SH2D4B: variants seen among roughly 807,000 people sequenced by gnomAD.
The protein encoded by SH2D4B is SH2 domain-containing protein 4B.
In SH2D4B, 45 loss-of-function variants were observed where a neutral mutation model predicts 61.5. That is an observed-to-expected ratio of 0.73 (90% CI 0.58 to 0.94). The LOEUF (loss-of-function observed/expected upper bound fraction) is 0.94. Ranked by LOEUF, SH2D4B falls within the 40% of genes least tolerant of loss-of-function variation. The probability of loss-of-function intolerance (pLI) is 0.00; values close to 1 mark genes in which losing one functional copy is unlikely to be tolerated. For missense variants in SH2D4B, 572 were observed against 574.2 expected, an observed-to-expected ratio of 1.00 and a Z score of 0.04; for synonymous variants, 224 against 220.4, an observed-to-expected ratio of 1.02 and a Z score of -0.14.
At chr10:80,634,776 C>T (rs1842877878) in intron 7 of SH2D4B, among the ~76,000 whole-genome samples, 1 of 152,190 alleles carries the variant, frequency 6.6e-6, no homozygotes. Context: ...TACCTGAGTG[C>T]TCCCTCCTGT....
chr10:80,561,636 G>A (rs1841903263), intron 1 of SH2D4B, among the ~76,000 whole-genome samples: 1 of 152,100 alleles, frequency 6.6e-6, no homozygotes, highest in African/African-American at 2.4e-5. Flanking sequence ...CATATACCCA[G>A]CTTCCTTTTA....
intron 4 of SH2D4B, among the ~76,000 whole-genome samples, chr10:80,598,106 C>G (rs550134763): frequency 7.9e-5 from 12 of 152,314 alleles, no homozygotes; most frequent in African/African-American, 2.9e-4. Flanking sequence ...GAGTCCTGTG[C>G]TAGCTCTGCC....
intron 6 of SH2D4B, among the ~76,000 whole-genome samples, chr10:80,619,344 G>A (rs1187570009): frequency 6.6e-6 from 1 of 152,182 alleles, no homozygotes; most frequent in Non-Finnish European, 1.5e-5. Context: ...ATGGGAGAGA[G>A]GGTAGCTACC....
intron 3 of SH2D4B, among the ~76,000 whole-genome samples, chr10:80,580,976 T>C (rs780424690): frequency 1.3e-5 from 2 of 152,250 alleles, no homozygotes; most frequent in African/African-American, 2.4e-5. Context: ...ATTCTGGTAG[T>C]TGCAACAGCA....
At chr10:80,604,791 G>GTTT (rs34202612) in intron 5 of SH2D4B, among the ~76,000 whole-genome samples, 5 of 148,202 alleles carry the variant, frequency 3.4e-5, no homozygotes, top group Non-Finnish European at 3.0e-5. Context: ...ACTGTTCTTA[G>GTTT]TTTTTTTTTT....
At position 80,547,596 on chromosome 10, in the gene SH2D4B, A is replaced by G. The variant is rs146363018; in HGVS notation, c.184+9081A>G. Among the ~76,000 whole-genome samples the G allele has an allele frequency of 1.7e-3, 258 of 152,292 alleles. 2 individuals carry two copies. Among genetic ancestry groups the G allele is most frequent in the African/African-American group, 5.9e-3 (245 of 41,564 alleles). ...GGGAGGGGTTAGGGAGGTGACTGAC[A>G]GAATCTCCTCCCTGGTGTCTCTTCG... On this transcript the variant is annotated intron_variant, in intron 1 of 7. Transcript: ENST00000646907.
At position 80,644,523 on chromosome 10, in the gene SH2D4B, T is replaced by C. The variant is rs1157450939; in HGVS notation, c.*438T>C. On this transcript the variant is annotated 3_prime_UTR_variant, in exon 8 of 8. Coordinates refer to ENST00000646907, the MANE Select transcript of SH2D4B (RefSeq NM_001388272.1). ...CAAATTAGCAGTGGTTTCTTGTAAATTATTTCCTACTCGCCACTCTATAAA... is the reference window on the plus strand; with the variant it reads ...CAAATTAGCAGTGGTTTCTTGTAAACTATTTCCTACTCGCCACTCTATAAA... 6.5e-6 allele frequency: 1 copy of C among 154,372 alleles called. No homozygotes were observed. Among genetic ancestry groups the C allele is most frequent in the African/African-American group, 2.4e-5 (1 of 41,516 alleles). 9.6% of individuals were successfully genotyped at this position (154,372 alleles called of 1,614,324 possible).
At chr10:80,620,742 A>G (rs1259162292) in intron 6 of SH2D4B, among the ~76,000 whole-genome samples, 1 of 152,234 alleles carries the variant, frequency 6.6e-6, no homozygotes, top group Admixed American at 6.5e-5. Context: ...AAAAGTATCT[A>G]CCTCAAAGAA....
At chr10:80,635,219 G>A (rs1842882902) in intron 7 of SH2D4B, among the ~76,000 whole-genome samples, 1 of 152,174 alleles carries the variant, frequency 6.6e-6, no homozygotes, top group Non-Finnish European at 1.5e-5. Flanking sequence ...TGGAAAAGAT[G>A]TTGTCTTCCA....
chr10:80,627,564 G>A (rs747723443), intron 6 of SH2D4B, among the ~76,000 whole-genome samples: 3 of 151,818 alleles, frequency 2.0e-5, no homozygotes, highest in Non-Finnish European at 2.9e-5. Context: ...GCCTCCCTTA[G>A]GTGCAGCCAC....
At chr10:80,594,728 A>G (rs986822432) in intron 4 of SH2D4B, among the ~76,000 whole-genome samples, 1 of 152,162 alleles carries the variant, frequency 6.6e-6, no homozygotes, top group African/African-American at 2.4e-5. Context: ...GTTAATTTCT[A>G]ACAATCTGAG....
At chr10:80,598,916 T>G (rs1211017546) in intron 4 of SH2D4B, among the ~76,000 whole-genome samples, 6 of 152,120 alleles carry the variant, frequency 3.9e-5, no homozygotes, top group African/African-American at 1.4e-4. Flanking sequence ...CTACTGTTAC[T>G]AGGTTAGAAA....
Position 80,564,416 on chromosome 10 carries a change from C to T in SH2D4B, c.185-5738C>T, listed in dbSNP as rs143537443. Reference sequence around the variant, plus strand: ...GCCGCACTTGCAAGATTCCTTTCTCCTTGCTTCCTGAAATTCTTTCTCCAC... The same window carrying T: ...GCCGCACTTGCAAGATTCCTTTCTCTTTGCTTCCTGAAATTCTTTCTCCAC... On this transcript the variant is annotated intron_variant, in intron 1 of 7. Coordinates refer to ENST00000646907, the MANE Select transcript of SH2D4B (RefSeq NM_001388272.1). Among the ~76,000 whole-genome samples the T allele has an allele frequency of 7.9e-5, 12 of 152,300 alleles. No homozygotes were observed. The East Asian group carries it at 2.3e-3, about 29-fold the overall frequency.
intron 1 of SH2D4B, among the ~76,000 whole-genome samples, chr10:80,563,200 C>T (rs1380227177): frequency 6.6e-6 from 1 of 152,074 alleles, no homozygotes; most frequent in Admixed American, 6.6e-5. Context: ...CGCGCCCGGC[C>T]GATGCTGAAC....
intron 1 of SH2D4B, among the ~76,000 whole-genome samples, chr10:80,548,088 C>G (rs973710303): frequency 2.0e-5 from 3 of 152,180 alleles, no homozygotes; most frequent in African/African-American, 7.2e-5. Flanking sequence ...GACCCTGACA[C>G]TCTTCCAGAC....
At chr10:80,554,172 C>T (rs72824341) in intron 1 of SH2D4B, among the ~76,000 whole-genome samples, 7,087 of 152,284 alleles carry the variant, frequency 0.047, 192 homozygotes, top group Non-Finnish European at 0.051. Context: ...GAACAAAAGG[C>T]ATCTGTGTTA....
intron 4 of SH2D4B, among the ~76,000 whole-genome samples, chr10:80,602,725 C>A (rs1842464913): frequency 6.6e-6 from 1 of 152,198 alleles, no homozygotes; most frequent in Non-Finnish European, 1.5e-5. Flanking sequence ...CCCAGTTGGG[C>A]AAATTGCTGT....
chr10:80,542,466 C>T (rs1474467713), intron 1 of SH2D4B, among the ~76,000 whole-genome samples: 9 of 144,094 alleles, frequency 6.2e-5, no homozygotes, highest in East Asian at 2.1e-4. Flanking sequence ...GGTGTGATCT[C>T]GGCTCACTGC....
intron 3 of SH2D4B, among the ~76,000 whole-genome samples, chr10:80,580,845 G>A (rs1842178332): frequency 2.0e-5 from 3 of 152,254 alleles, no homozygotes; most frequent in Admixed American, 2.0e-4. Context: ...GAGGGCTTTG[G>A]GCAGCCAGAG....
Sources: allele counts gnomAD v4.1 joint callset (sites outside exome capture counted in the v4.1 genomes callset), GRCh38; gene constraint gnomAD v4.1.1; transcripts MANE v1.5; gene names NCBI Gene and HGNC (gene_info 2026-07-23, HGNC 2026-07-21).